The following RIPOR2 variants were observed in gnomAD, a reference collection of about 807,000 sequenced individuals.
The protein encoded by RIPOR2 is rho family-interacting cell polarization regulator 2.
Under a neutral mutation model 114.5 loss-of-function variants are expected in RIPOR2, and 39 were observed. That is an observed-to-expected ratio of 0.34 (90% CI 0.26 to 0.44). The LOEUF is 0.44. Ranked by LOEUF, RIPOR2 falls within the 20% of genes least tolerant of loss-of-function variation. The pLI is 1.00. For synonymous variants in RIPOR2, 445 were observed against 484.4 expected, an observed-to-expected ratio of 0.92 and a Z score of 1.07; for missense variants, 1,007 against 1,255.1, an observed-to-expected ratio of 0.80 and a Z score of 2.99.
chr6:24,835,582 C>T lies in RIPOR2; in HGVS notation c.2208+121G>A. The T allele has an allele frequency of 5.2e-6, 6 of 1,147,618 alleles. No homozygotes were observed. The South Asian group carries it at 7.4e-5, about 14-fold the overall frequency. The allele number at this position is 1,147,618 out of a possible 1,614,324, so 71.1% of individuals were successfully genotyped here. On this transcript the variant is annotated intron_variant, in intron 15 of 21. Transcript: ENST00000643898. ...AGAGTTTTTGACTTGGCTCAAACCACAGCAAGACTGTTCTCTTATTCCTGA... is the reference window on the plus strand; with the variant it reads ...AGAGTTTTTGACTTGGCTCAAACCATAGCAAGACTGTTCTCTTATTCCTGA...
At chr6:24,842,826 C>A in intron 13 of RIPOR2, 36 bp downstream of exon 13, 1 of 1,330,264 alleles carries the variant, frequency 7.5e-7, no homozygotes, top group South Asian at 2.0e-5. Flanking sequence ...ACACCTCTCT[C>A]CAAACCTAAT....
chr6:25,017,229 C>A (rs558922917), intron 1 of RIPOR2, among the ~76,000 whole-genome samples: 1 of 152,074 alleles, frequency 6.6e-6, no homozygotes, highest in Admixed American at 6.6e-5. Context: ...GGCTGAGGCA[C>A]GAAAATCACT....
intron 1 of RIPOR2, among the ~76,000 whole-genome samples, chr6:25,029,411 GAAAAAAAAA>G (rs71544610): frequency 2.2e-5 from 2 of 90,644 alleles, no homozygotes; most frequent in African/African-American, 8.4e-5. Context: ...TCTCAAAAAA[GAAAAAAAAA>G]AAAAAAAAAA....
intron 1 of RIPOR2, among the ~76,000 whole-genome samples, chr6:24,989,290 C>T (rs1301779198): frequency 7.1e-6 from 1 of 141,652 alleles, no homozygotes; most frequent in African/African-American, 2.8e-5. Flanking sequence ...ACTAATTGTA[C>T]TTGTCTTTTT....
At chr6:25,035,887 A>G (rs1225409362) in intron 1 of RIPOR2, among the ~76,000 whole-genome samples, 2 of 152,198 alleles carry the variant, frequency 1.3e-5, no homozygotes, top group Non-Finnish European at 1.5e-5. Flanking sequence ...ATCTGAAGAC[A>G]GTGGTATTTA....
At chr6:24,978,644 G>T (rs1469763524) in intron 1 of RIPOR2, among the ~76,000 whole-genome samples, 1 of 152,122 alleles carries the variant, frequency 6.6e-6, no homozygotes, top group East Asian at 1.9e-4. Context: ...GGTGAATGGA[G>T]GTTGGGAATA....
Position 24,828,266 on chromosome 6 carries a change from C to A in RIPOR2, c.2536G>T (p.Asp846Tyr), listed in dbSNP as rs1760358289. 1.9e-6 allele frequency: 3 copies of A among 1,548,940 alleles called. No homozygotes were observed. The highest frequency in any genetic ancestry group is 3.9e-5 in the Admixed American group (2 of 50,696). The change falls in exon 18 of 22, where the codon GAC becomes TAC. Residue 846 changes from aspartate (D) to tyrosine (Y), a missense_variant. By Grantham distance (160) the Asp-to-Tyr change is radical. Transcript: ENST00000643898. ...VFRTLVSQIL[D>Y]RAEPLLSSSL... The stretch of plus-strand genomic sequence containing the variant: ...GAGGAAAGCAGAGGCTCAGCCCGGT[C>A]CAGAATTTGGGACACCAGGGTTCGA...
intron 19 of RIPOR2, among the ~76,000 whole-genome samples, chr6:24,822,134 G>T (rs1009324111): frequency 1.3e-5 from 2 of 152,168 alleles, no homozygotes; most frequent in African/African-American, 4.8e-5. Context: ...ACAGAGAAAT[G>T]GGCAGGGGAA....
At chr6:24,826,912 T>TA (rs398109984) in intron 18 of RIPOR2, among the ~76,000 whole-genome samples, 3 of 151,600 alleles carry the variant, frequency 2.0e-5, no homozygotes, top group Middle Eastern at 3.4e-3. Flanking sequence ...TTTTTTTTTT[T>TA]AATAATGAAG....
intron 13 of RIPOR2, chr6:24,840,133 C>A (rs566891250): frequency 1.0e-5 from 8 of 767,262 alleles, no homozygotes; most frequent in Non-Finnish European, 1.3e-5. Context: ...TCTTTTATTG[C>A]AGAGACAGGG....
rs141707869 is a variant in RIPOR2 at position 24,841,826 on chromosome 6, C to T, written c.1857+1036G>A. ...AGAGATGGGATTTCATCATGTTGCC[C>T]GGTCTGGTCTCTAACTCCTGGGCTC... On this transcript the variant is annotated intron_variant, in intron 13 of 21. Transcript: ENST00000643898. 6.3e-3 allele frequency among the ~76,000 whole-genome samples: 963 copies of T among 151,918 alleles called. 16 individuals carry two copies. Among genetic ancestry groups the T allele is most frequent in the African/African-American group, 0.021 (859 of 41,410 alleles).
chr6:24,864,170 G>A (rs980666042), intron 7 of RIPOR2, among the ~76,000 whole-genome samples: 6 of 152,014 alleles, frequency 3.9e-5, no homozygotes, highest in African/African-American at 1.4e-4. Context: ...CGGGTGTGGT[G>A]GCACACACCT....
At chr6:24,932,421 G>C (rs974355819) in intron 1 of RIPOR2, among the ~76,000 whole-genome samples, 1 of 150,770 alleles carries the variant, frequency 6.6e-6, no homozygotes, top group African/African-American at 2.5e-5. Flanking sequence ...GCAGTGTGTA[G>C]GTGAATCCCT....
At chr6:24,889,491 A>G (rs1320008847) in intron 1 of RIPOR2, among the ~76,000 whole-genome samples, 1 of 152,202 alleles carries the variant, frequency 6.6e-6, no homozygotes, top group Non-Finnish European at 1.5e-5. Flanking sequence ...TAACTTTATA[A>G]AGGAAATTCA....
chr6:25,002,391 T>A (rs1205500003), intron 1 of RIPOR2, among the ~76,000 whole-genome samples: 1 of 152,246 alleles, frequency 6.6e-6, no homozygotes, highest in Non-Finnish European at 1.5e-5. Context: ...GAAGGACTTA[T>A]CCAAATGGTA....
At chr6:24,881,332 A>G (rs1454391600) in intron 1 of RIPOR2, among the ~76,000 whole-genome samples, 6 of 152,154 alleles carry the variant, frequency 3.9e-5, no homozygotes, top group Non-Finnish European at 7.4e-5. Flanking sequence ...AAATCCCAGA[A>G]AGGACTCAAA....
chr6:24,850,475 G>A, intron 10 of RIPOR2, 122 bp downstream of exon 10: 2 of 1,011,256 alleles, frequency 2.0e-6, no homozygotes, highest in South Asian at 2.8e-5. Context: ...CTTTGTAATA[G>A]ACTTGTGCAG....
chr6:24,979,283 C>CT (rs60372040), intron 1 of RIPOR2, among the ~76,000 whole-genome samples: 8,415 of 99,384 alleles, frequency 0.085, 590 homozygotes, highest in African/African-American at 0.21. Flanking sequence ...TAGGGAAATT[C>CT]TTTTTTTTTT....
intron 12 of RIPOR2, among the ~76,000 whole-genome samples, chr6:24,844,931 C>A (rs1193707295): frequency 2.6e-5 from 4 of 152,010 alleles, no homozygotes; most frequent in Non-Finnish European, 4.4e-5. Flanking sequence ...ACAGCAAATG[C>A]AGTGAAGAGC....
Sources: allele counts gnomAD v4.1 joint callset (sites outside exome capture counted in the v4.1 genomes callset), GRCh38; gene constraint gnomAD v4.1.1; transcripts MANE v1.5; gene names NCBI Gene and HGNC (gene_info 2026-07-23, HGNC 2026-07-21).